ARHGAP6: variants seen among roughly 807,000 people sequenced by gnomAD.
The protein encoded by ARHGAP6 is rho GTPase-activating protein 6.
Under a neutral mutation model 55.7 loss-of-function variants are expected in ARHGAP6, and 16 were observed. The observed-to-expected ratio is 0.29, with a 90% CI of 0.19 to 0.44. The LOEUF is 0.44. ARHGAP6 is among the 20% of genes least tolerant of loss of function. The pLI, the probability that ARHGAP6 is intolerant of heterozygous loss-of-function variation, is 1.00. For missense variants in ARHGAP6, 698 were observed against 808.9 expected (o/e 0.86, Z 1.66); for synonymous variants, 382 against 360.9 (o/e 1.06, Z -0.66).
At chrX:11,389,267 T>C (rs2049372378) in intron 1 of ARHGAP6, among the ~76,000 whole-genome samples, 2 of 112,196 alleles carry the variant, frequency 1.8e-5, no homozygotes, top group Admixed American at 1.9e-4. Flanking sequence ...TAATAACTAA[T>C]ACTCTCTATA....
intron 1 of ARHGAP6, among the ~76,000 whole-genome samples, chrX:11,520,231 A>G (rs2050904222): frequency 3.3e-5 from 3 of 91,619 alleles, no homozygotes; most frequent in South Asian, 5.7e-4. Flanking sequence ...TTACATATGT[A>G]TACATGTGCC....
At chrX:11,567,522 C>T (rs1286407844) in intron 1 of ARHGAP6, among the ~76,000 whole-genome samples, 1 of 95,779 alleles carries the variant, frequency 1.0e-5, no homozygotes, top group Non-Finnish European at 2.1e-5. Flanking sequence ...CCACTGCACT[C>T]CAGCCTGGGT....
chrX:11,290,323 T>C (rs188365562), intron 1 of ARHGAP6: 19 of 312,452 alleles, frequency 6.1e-5, no homozygotes, highest in Admixed American at 2.4e-4. Flanking sequence ...TAGCACCTAC[T>C]TTGTATAAGA....
chrX:11,260,292 T>C (rs920585001), intron 1 of ARHGAP6, among the ~76,000 whole-genome samples: 2 of 111,601 alleles, frequency 1.8e-5, no homozygotes, highest in Admixed American at 1.9e-4. Flanking sequence ...TAATTTGTTA[T>C]GGCAGCAATA....
intron 1 of ARHGAP6, among the ~76,000 whole-genome samples, chrX:11,438,064 G>A (rs139511711): frequency 0.012 from 1,332 of 112,193 alleles, 6 homozygotes; most frequent in Non-Finnish European, 0.02. Flanking sequence ...CGGTCTTTTC[G>A]TACTCCTCCT....
In ARHGAP6 at chrX:11,529,609, C is replaced by T. The variant is rs781602392; in HGVS notation, c.588+134632G>A. Among the ~76,000 whole-genome samples the T allele has an allele frequency of 6.3e-5, 7 of 111,627 alleles. No individual in the cohort carries two copies. In the South Asian group the frequency reaches 2.6e-3, roughly 42 times the overall value. On this transcript the variant is annotated intron_variant, in intron 1 of 12. Transcript: ENST00000337414. ...CTTTGAGTAGCATGGATCTAAAGAT[C>T]ATTAAACATGCATTTCACTATTGAA...
intron 1 of ARHGAP6, among the ~76,000 whole-genome samples, chrX:11,297,415 A>G (rs2048104581): frequency 8.9e-6 from 1 of 112,254 alleles, no homozygotes; most frequent in African/African-American, 3.2e-5. Context: ...CATCTGGAGA[A>G]AGGAAATAAT....
chrX:11,485,037 C>CAACA (rs751432057), intron 1 of ARHGAP6, among the ~76,000 whole-genome samples: 1,848 of 105,537 alleles, frequency 0.018, 28 homozygotes, highest in Middle Eastern at 0.059. Context: ...ACAACAACAA[C>CAACA]AAAAAAAAAA....
At chrX:11,286,300 C>T (rs1033909331) in intron 1 of ARHGAP6, among the ~76,000 whole-genome samples, 3 of 111,598 alleles carry the variant, frequency 2.7e-5, no homozygotes, top group African/African-American at 9.8e-5. Context: ...ACCCATCACC[C>T]TCTATCTTTT....
chrX:11,575,548 C>CA (rs1207597932), intron 1 of ARHGAP6, among the ~76,000 whole-genome samples: 1 of 111,038 alleles, frequency 9.0e-6, no homozygotes, highest in African/African-American at 3.3e-5. Context: ...CATGTGGCAG[C>CA]AAAAAAACTT....
chrX:11,291,029 G>A (rs1446714719), intron 1 of ARHGAP6, among the ~76,000 whole-genome samples: 1 of 111,686 alleles, frequency 9.0e-6, no homozygotes, highest in African/African-American at 3.3e-5. Context: ...AAAACGTACT[G>A]GGCTGCAAGT....
rs150086648 is a variant in ARHGAP6 at position 11,497,892 on chromosome X, C to T, written c.588+166349G>A. 7.5e-3 allele frequency among the ~76,000 whole-genome samples: 824 copies of T among 110,575 alleles called. 1 individual carries two copies. Among genetic ancestry groups the T allele is most frequent in the Middle Eastern group, 0.028 (6 of 214 alleles). The stretch of plus-strand genomic sequence containing the variant: ...CACCAAACAATGATGCTCACATACA[C>T]GACATTCTTCCATGCGGGTATAATC... On this transcript the variant is annotated intron_variant, in intron 1 of 12. Transcript: ENST00000337414.
intron 1 of ARHGAP6, among the ~76,000 whole-genome samples, chrX:11,477,125 T>C (rs1484787080): frequency 1.1e-4 from 12 of 107,396 alleles, no homozygotes; most frequent in African/African-American, 4.1e-4. Flanking sequence ...AACTCAAAAA[T>C]TGACAATTTT....
intron 3 of ARHGAP6, among the ~76,000 whole-genome samples, chrX:11,192,936 A>G (rs1050550886): frequency 8.9e-5 from 10 of 112,604 alleles, no homozygotes; most frequent in African/African-American, 2.6e-4. Context: ...GAAGTTCTGA[A>G]AGTTTTAAAA....
At chrX:11,186,149 T>A in intron 5 of ARHGAP6, 87 bp downstream of exon 5, 1 of 880,763 alleles carries the variant, frequency 1.1e-6, no homozygotes, top group Admixed American at 2.8e-5. Context: ...GATCATTTGA[T>A]CAAGCAGAAT....
chrX:11,207,225 C>A (rs2046717863), intron 2 of ARHGAP6, among the ~76,000 whole-genome samples: 1 of 107,992 alleles, frequency 9.3e-6, no homozygotes. Context: ...ATGGGGGTCT[C>A]ACTATGTTGG....
At chrX:11,358,542 T>C (rs1399199980) in intron 1 of ARHGAP6, among the ~76,000 whole-genome samples, 1 of 106,085 alleles carries the variant, frequency 9.4e-6, no homozygotes, top group Non-Finnish European at 1.9e-5. Context: ...TGCGATGGCG[T>C]GATCTCAGCT....
At chrX:11,494,343 C>T (rs1227646935) in intron 1 of ARHGAP6, among the ~76,000 whole-genome samples, 1 of 112,403 alleles carries the variant, frequency 8.9e-6, no homozygotes, top group Admixed American at 9.4e-5. Context: ...AGCATTGGCT[C>T]AGTTGGTAAA....
intron 1 of ARHGAP6, among the ~76,000 whole-genome samples, chrX:11,314,243 C>A (rs1161059897): frequency 9.0e-6 from 1 of 111,611 alleles, no homozygotes; most frequent in Non-Finnish European, 1.9e-5. Context: ...TCCTTTTCAG[C>A]TTGCAGAAAT....
Sources: gnomAD v4.1 joint callset for allele counts (sites outside exome capture counted in the v4.1 genomes callset) on GRCh38, gnomAD v4.1.1 for gene constraint, MANE v1.5 for transcripts, NCBI Gene and HGNC (gene_info 2026-07-23, HGNC 2026-07-21) for gene names.